PRELID2: variants seen among roughly 807,000 people sequenced by gnomAD.
The protein encoded by PRELID2 is PRELI domain containing 2.
PRELID2 carries 25 observed loss-of-function variants against 28.4 expected under a neutral mutation model. That is an observed-to-expected ratio of 0.88 (90% CI 0.64 to 1.23). PRELID2 has a LOEUF of 1.23. Among genes scored for constraint, PRELID2 ranks in the 50% most tolerant of loss-of-function variants. The pLI is 0.00. For synonymous variants in PRELID2, 76 were observed against 71.6 expected, an observed-to-expected ratio of 1.06 and a Z score of -0.31; for missense variants, 201 against 214.4, an observed-to-expected ratio of 0.94 and a Z score of 0.39.
At chr5:145,340,382 C>T in the PRELID2 span, among the ~76,000 whole-genome samples, 1 of 152,148 alleles carries the variant, frequency 6.6e-6, no homozygotes, top group Non-Finnish European at 1.5e-5. Context: ...AGCCACATCA[C>T]ACCAGCTGCC....
intron 4 of PRELID2, among the ~76,000 whole-genome samples, chr5:145,805,054 T>C (rs538542024): frequency 3.3e-5 from 5 of 152,244 alleles, no homozygotes; most frequent in Non-Finnish European, 7.3e-5. Flanking sequence ...TAAAGTATCA[T>C]AATTTTTAAT....
intron 4 of PRELID2, among the ~76,000 whole-genome samples, chr5:145,814,814 CAA>C (rs1231258508): frequency 6.6e-6 from 1 of 152,068 alleles, no homozygotes; most frequent in Admixed American, 6.6e-5. Flanking sequence ...AAATGTATCT[CAA>C]AAAAATTAAT....
the PRELID2 span, among the ~76,000 whole-genome samples, chr5:145,249,728 T>C: frequency 1.2e-4 from 18 of 152,264 alleles, no homozygotes; most frequent in South Asian, 4.1e-4. Context: ...TTTTATTCTC[T>C]AGTATTAAGC....
chr5:145,585,099 G>A (rs1276528059), intron 1 of PRELID2, among the ~76,000 whole-genome samples: 3 of 152,120 alleles, frequency 2.0e-5, no homozygotes, highest in Admixed American at 6.6e-5. Flanking sequence ...GGGATACTAT[G>A]CAGCCATAAA....
At chr5:145,740,993 ATATATAT>A (rs1756698650) in intron 1 of PRELID2, among the ~76,000 whole-genome samples, 1 of 110,670 alleles carries the variant, frequency 9.0e-6, no homozygotes, top group Non-Finnish European at 1.7e-5. Context: ...TATAAATAAA[ATATATAT>A]TATATATTTG....
rs115198538 is a variant in PRELID2 at position 145,528,817 on chromosome 5, C to A, written n.71-55502G>T. On this transcript the variant is annotated intron_variant and non_coding_transcript_variant, in intron 1 of 2. Transcript: ENST00000510259. ...AAAATTAAATTTCCCCAGGTCTTTT[C>A]AAAAATCAGATGCATACCTCATCAA... Among the ~76,000 whole-genome samples, 1,490 of 151,842 alleles carry A rather than the reference C, an allele frequency of 9.8e-3. 20 individuals are homozygous for A. Among genetic ancestry groups the A allele is most frequent in the African/African-American group, 0.028 (1,161 of 41,384 alleles).
chr5:145,835,105 G>A, intron 1 of PRELID2, 72 bp downstream of exon 1: 1 of 1,062,916 alleles, frequency 9.4e-7, no homozygotes, highest in South Asian at 1.4e-5. Context: ...GCTTCCGCGT[G>A]GATGAAGGAG....
At chr5:145,398,216 T>C in the PRELID2 span, among the ~76,000 whole-genome samples, 1 of 152,250 alleles carries the variant, frequency 6.6e-6, no homozygotes, top group Non-Finnish European at 1.5e-5. Flanking sequence ...CTCACTCACA[T>C]GCCATGCAAA....
chr5:145,643,070 G>A (rs1034709263), intron 1 of PRELID2, among the ~76,000 whole-genome samples: 6 of 152,190 alleles, frequency 3.9e-5, no homozygotes, highest in Non-Finnish European at 8.8e-5. Context: ...ATGGTAGCTT[G>A]ACGGGGATAG....
the PRELID2 span, chr5:145,429,734 T>C: frequency 6.6e-6 from 1 of 152,196 alleles, no homozygotes; most frequent in Non-Finnish European, 1.5e-5. Flanking sequence ...TGGAGACTCT[T>C]TCCCCACACT....
chr5:145,489,494 C>T (rs1380906644), intron 1 of PRELID2, among the ~76,000 whole-genome samples: 1 of 152,170 alleles, frequency 6.6e-6, no homozygotes, highest in Non-Finnish European at 1.5e-5. Context: ...GATGAGGGAA[C>T]TGAGGCTGTC....
At chr5:145,343,844 C>A in the PRELID2 span, among the ~76,000 whole-genome samples, 1 of 151,642 alleles carries the variant, frequency 6.6e-6, no homozygotes, top group South Asian at 2.1e-4. Flanking sequence ...ACAACTGATA[C>A]CACAGAAATA....
the PRELID2 span, among the ~76,000 whole-genome samples, chr5:145,251,396 A>T: frequency 1.3e-5 from 2 of 152,140 alleles, no homozygotes; most frequent in African/African-American, 2.4e-5. Flanking sequence ...TGCTGTTAGA[A>T]TATATCACCA....
chr5:145,538,593 T>C (rs1176397852), intron 1 of PRELID2, among the ~76,000 whole-genome samples: 4 of 151,958 alleles, frequency 2.6e-5, no homozygotes, highest in African/African-American at 9.7e-5. Context: ...TACTAAAATA[T>C]CTATAGTATC....
intron 1 of PRELID2, among the ~76,000 whole-genome samples, chr5:145,581,834 A>G (rs927003804): frequency 4.6e-5 from 7 of 152,062 alleles, no homozygotes; most frequent in Non-Finnish European, 8.8e-5. Flanking sequence ...GTGAGGGAAA[A>G]CATCCTTATT....
the PRELID2 span, among the ~76,000 whole-genome samples, chr5:145,423,505 C>T: frequency 1.1e-3 from 172 of 151,820 alleles, no homozygotes; most frequent in African/African-American, 3.9e-3. Flanking sequence ...ATCACTGATA[C>T]CCTTTCTTCC....
chr5:145,237,163 T>C, the PRELID2 span, among the ~76,000 whole-genome samples: 1 of 152,120 alleles, frequency 6.6e-6, no homozygotes. Context: ...CATGCAGCAA[T>C]GAGGAATTGC....
At chr5:145,811,502 G>A (rs1382364717) in intron 4 of PRELID2, among the ~76,000 whole-genome samples, 1 of 152,066 alleles carries the variant, frequency 6.6e-6, no homozygotes, top group Non-Finnish European at 1.5e-5. Flanking sequence ...CACCAGGCTG[G>A]TCTCGAACTC....
chr5:145,291,546 A>G, the PRELID2 span, among the ~76,000 whole-genome samples: 2 of 151,988 alleles, frequency 1.3e-5, no homozygotes, highest in Non-Finnish European at 2.9e-5. Context: ...CTCCAAAAAT[A>G]TGAGATAATA....
Sources: gnomAD v4.1 joint callset for allele counts (sites outside exome capture counted in the v4.1 genomes callset) on GRCh38, gnomAD v4.1.1 for gene constraint, MANE v1.5 for transcripts, NCBI Gene and HGNC (gene_info 2026-07-23, HGNC 2026-07-21) for gene names.